ADAMTS12: variants seen among roughly 807,000 people sequenced by gnomAD.
ADAMTS12 encodes ADAM metallopeptidase with thrombospondin type 1 motif 12, also known as A disintegrin and metalloproteinase with thrombospondin motifs 12.
In ADAMTS12, 118 loss-of-function variants were observed where a neutral mutation model predicts 167.8. The ratio of observed to expected loss-of-function variants is 0.70; its 90% CI spans 0.61 to 0.82. The LOEUF is 0.82. ADAMTS12 is among the 40% of genes least tolerant of loss of function. The pLI is 0.00. For synonymous variants in ADAMTS12, 704 were observed against 716.9 expected, an observed-to-expected ratio of 0.98 and a Z score of 0.29; for missense variants, 1,916 against 1,998.8, an observed-to-expected ratio of 0.96 and a Z score of 0.79.
intron 16 of ADAMTS12, among the ~76,000 whole-genome samples, chr5:33,600,882 A>G (rs1361590257): frequency 6.6e-6 from 1 of 152,192 alleles, no homozygotes; most frequent in Non-Finnish European, 1.5e-5. Context: ...CAAGAAGAAG[A>G]GAAGTGTAGG....
At chr5:33,660,888 C>G (rs1165339650) in intron 6 of ADAMTS12, among the ~76,000 whole-genome samples, 1 of 152,190 alleles carries the variant, frequency 6.6e-6, no homozygotes, top group Non-Finnish European at 1.5e-5. Context: ...ATTCTGATGA[C>G]TGGAGTTTTG....
At chr5:33,743,873 C>T (rs1158902177) in intron 3 of ADAMTS12, among the ~76,000 whole-genome samples, 2 of 152,182 alleles carry the variant, frequency 1.3e-5, no homozygotes, top group African/African-American at 2.4e-5. Flanking sequence ...ACATCTTTGT[C>T]TCTGGTGCAC....
At chr5:33,781,404 G>C (rs1423535525) in intron 2 of ADAMTS12, among the ~76,000 whole-genome samples, 1 of 152,158 alleles carries the variant, frequency 6.6e-6, no homozygotes, top group Non-Finnish European at 1.5e-5. Context: ...CTAAATGCCT[G>C]TTCTGATTCA....
intron 2 of ADAMTS12, among the ~76,000 whole-genome samples, chr5:33,802,248 T>G (rs1747040306): frequency 2.0e-5 from 3 of 152,192 alleles, no homozygotes; most frequent in Admixed American, 2.0e-4. Flanking sequence ...CCAAAAAGAC[T>G]AAGAGAAGTT....
At chr5:33,690,290 A>T (rs533624089) in intron 3 of ADAMTS12, among the ~76,000 whole-genome samples, 1 of 152,230 alleles carries the variant, frequency 6.6e-6, no homozygotes, top group Non-Finnish European at 1.5e-5. Context: ...ATATTTTTTT[A>T]CATTTAAGTA....
chr5:33,693,505 T>C (rs536745331), intron 3 of ADAMTS12, among the ~76,000 whole-genome samples: 4 of 152,346 alleles, frequency 2.6e-5, no homozygotes, highest in South Asian at 4.1e-4. Context: ...CAACTTATTA[T>C]AAAAATAGTA....
chr5:33,844,489 G>C (rs1327459444), intron 2 of ADAMTS12, among the ~76,000 whole-genome samples: 2 of 152,170 alleles, frequency 1.3e-5, no homozygotes, highest in African/African-American at 4.8e-5. Context: ...GATGAAATAA[G>C]TCCCAGTCTC....
intron 3 of ADAMTS12, among the ~76,000 whole-genome samples, chr5:33,689,744 C>A (rs553586717): frequency 6.6e-6 from 1 of 152,194 alleles, no homozygotes; most frequent in Admixed American, 6.5e-5. Flanking sequence ...ACTGGCCTGA[C>A]CCAAACCACC....
In ADAMTS12 at chr5:33,525,941, T is replaced by G. The variant is rs372178317; in HGVS notation, c.*1247A>C. On this transcript the variant is annotated 3_prime_UTR_variant, in exon 24 of 24. Coordinates refer to ENST00000504830, the MANE Select transcript of ADAMTS12 (RefSeq NM_030955.4). ...GCCTACTTTGACTTCTGGTGGGAGG[T>G]AGGAACATCCAGAACAAGCATTCTA... 4 of 152,294 alleles carry G rather than the reference T, an allele frequency of 2.6e-5. No individual in the cohort carries two copies. The highest frequency in any genetic ancestry group is 1.9e-4 in the East Asian group (1 of 5,182). 9.4% of individuals were successfully genotyped at this position (152,294 alleles called of 1,614,324 possible). A position where few individuals can be genotyped will look rare whatever the true frequency, so the allele number is the denominator to read the frequency against.
chr5:33,725,646 G>A (rs1743953308), intron 3 of ADAMTS12, among the ~76,000 whole-genome samples: 1 of 152,228 alleles, frequency 6.6e-6, no homozygotes, highest in Non-Finnish European at 1.5e-5. Flanking sequence ...AAGCCTGCAA[G>A]GAAACAGGCA....
chr5:33,546,914 AATAAG>A lies in ADAMTS12; in HGVS notation c.4303-717_4303-713del, dbSNP rs769996957. Among the ~76,000 whole-genome samples, 210 of 152,384 alleles carry A rather than the reference AATAAG, an allele frequency of 1.4e-3. 1 individual carries two copies. The highest frequency in any genetic ancestry group is 2.7e-3 in the Non-Finnish European group (181 of 68,036). On this transcript the variant is annotated intron_variant, in intron 21 of 23. Transcript: ENST00000504830. ...GTTTTAGCATGGTTACAACGATAACAATAAGATAATTATGGCTGTCTTGCAAACAT... is the reference window on the plus strand; with the variant it reads ...GTTTTAGCATGGTTACAACGATAACAATAATTATGGCTGTCTTGCAAACAT...
At chr5:33,594,103 G>A (rs938974174) in intron 17 of ADAMTS12, among the ~76,000 whole-genome samples, 23 of 152,334 alleles carry the variant, frequency 1.5e-4, no homozygotes, top group Middle Eastern at 3.4e-3. Flanking sequence ...ATTCCCACGT[G>A]TTGTGGGAGG....
intron 2 of ADAMTS12, among the ~76,000 whole-genome samples, chr5:33,761,776 T>C (rs1274685031): frequency 1.3e-5 from 2 of 152,214 alleles, no homozygotes; most frequent in African/African-American, 4.8e-5. Context: ...TGAGTAACTG[T>C]AGTATTTTTT....
chr5:33,808,363 A>G (rs1374303018), intron 2 of ADAMTS12, among the ~76,000 whole-genome samples: 1 of 152,160 alleles, frequency 6.6e-6, no homozygotes, highest in African/African-American at 2.4e-5. Flanking sequence ...GTTATGCCCC[A>G]TGCCAATTAA....
chr5:33,659,896 T>A (rs980997614), intron 6 of ADAMTS12, among the ~76,000 whole-genome samples: 2 of 152,216 alleles, frequency 1.3e-5, no homozygotes, highest in Non-Finnish European at 2.9e-5. Flanking sequence ...CAAGTGGTTT[T>A]CAATGAGGGT....
At chr5:33,540,894 G>A (rs1304386913) in intron 22 of ADAMTS12, among the ~76,000 whole-genome samples, 4 of 152,204 alleles carry the variant, frequency 2.6e-5, no homozygotes, top group Non-Finnish European at 5.9e-5. Context: ...GAGCAGAAAA[G>A]GTGAAAATTC....
chr5:33,695,193 G>A (rs1283435884), intron 3 of ADAMTS12, among the ~76,000 whole-genome samples: 1 of 152,190 alleles, frequency 6.6e-6, no homozygotes, highest in African/African-American at 2.4e-5. Context: ...CTTGTTTTCA[G>A]TTAAGGTTTA....
chr5:33,685,200 C>G (rs892542270), intron 3 of ADAMTS12, among the ~76,000 whole-genome samples: 1 of 152,228 alleles, frequency 6.6e-6, no homozygotes, highest in Non-Finnish European at 1.5e-5. Context: ...CCTCATGTCC[C>G]CTTCCTAATC....
chr5:33,784,220 T>C (rs1296943922), intron 2 of ADAMTS12, among the ~76,000 whole-genome samples: 1 of 151,874 alleles, frequency 6.6e-6, no homozygotes. Flanking sequence ...TTATAAAAGA[T>C]ATGTTTAAAA....
Sources: allele counts gnomAD v4.1 joint callset (sites outside exome capture counted in the v4.1 genomes callset), GRCh38; gene constraint gnomAD v4.1.1; transcripts MANE v1.5; gene names NCBI Gene and HGNC (gene_info 2026-07-23, HGNC 2026-07-21).